NR3C1: variants seen among roughly 807,000 people sequenced by gnomAD.
The protein encoded by NR3C1 is nuclear receptor subfamily 3 group C member 1, also known as glucocorticoid receptor.
In NR3C1, 14 loss-of-function variants were observed where a neutral mutation model predicts 74.0. The observed-to-expected ratio is 0.19, with a 90% CI of 0.12 to 0.30. The LOEUF (loss-of-function observed/expected upper bound fraction) is 0.30. Among genes scored for constraint, NR3C1 ranks in the 10% least tolerant of loss-of-function variants. The pLI, the probability that NR3C1 is intolerant of heterozygous loss-of-function variation, is 1.00. For synonymous variants in NR3C1, 308 were observed against 332.5 expected, an observed-to-expected ratio of 0.93 and a Z score of 0.80; for missense variants, 695 against 909.8, an observed-to-expected ratio of 0.76 and a Z score of 3.04.
intron 2 of NR3C1, among the ~76,000 whole-genome samples, chr5:143,379,436 G>C (rs985582194): frequency 3.3e-5 from 5 of 152,114 alleles, no homozygotes; most frequent in Non-Finnish European, 2.9e-5. Context: ...CAATGATTCT[G>C]CCTTTCCACC....
rs945625193 is a variant in NR3C1 at position 143,434,990 on chromosome 5, C to T, written c.-472G>A. ...TTTTTTGGAGAGAAATACAGTGACTCTCCTAATTATGGTGAATTTCCTAGT... is the reference window on the plus strand; with the variant it reads ...TTTTTTGGAGAGAAATACAGTGACTTTCCTAATTATGGTGAATTTCCTAGT... On this transcript the variant is annotated 5_prime_UTR_variant, in exon 1 of 9. Transcript: ENST00000343796. The T allele has an allele frequency of 5.1e-6, 5 of 984,814 alleles. No homozygotes were observed. The African/African-American group carries it at 8.8e-5, about 17-fold the overall frequency. 61.0% of individuals were successfully genotyped at this position (984,814 alleles called of 1,614,324 possible).
At chr5:143,415,584 T>G (rs1465410902) in intron 1 of NR3C1, among the ~76,000 whole-genome samples, 1 of 152,238 alleles carries the variant, frequency 6.6e-6, no homozygotes, top group African/African-American at 2.4e-5. Flanking sequence ...TCATCAAATG[T>G]TATTGGACAT....
intron 2 of NR3C1, among the ~76,000 whole-genome samples, chr5:143,339,818 T>C (rs958584225): frequency 1.3e-5 from 2 of 152,136 alleles, no homozygotes; most frequent in Non-Finnish European, 2.9e-5. Flanking sequence ...ACATACCAAA[T>C]TATTAATGGC....
At position 143,400,352 on chromosome 5, in the gene NR3C1, A is replaced by T. The variant is rs1273668179; in HGVS notation, c.488T>A (p.Val163Glu). The change falls in exon 2 of 9, where the codon GTA (valine) becomes GAA (glutamate). Residue 163 changes from valine (V) to glutamate (E), a missense_variant. Val to Glu is a moderately radical substitution (Grantham distance 121). Around this residue, in one of 4 missense-constraint regions of NR3C1, gnomAD observed 497 missense variants for 489.5 expected, o/e 1.02. Transcript: ENST00000394464. The stretch of plus-strand genomic sequence containing the variant: ...CTTCAAATGTTGCTGTTCTGAAGAT[A>T]CATCAGAGTGAGTTTTTGGAAACTC... ...EKEFPKTHSD[V>E]SSEQQHLKGQ... 6.2e-7 allele frequency: 1 copy of T among 1,614,002 alleles called. No homozygotes were observed. The highest frequency in any genetic ancestry group is 8.5e-7 in the Non-Finnish European group (1 of 1,180,018).
intron 2 of NR3C1, among the ~76,000 whole-genome samples, chr5:143,352,056 CA>C (rs1401764252): frequency 6.6e-6 from 1 of 152,142 alleles, no homozygotes; most frequent in African/African-American, 2.4e-5. Context: ...TTAATCCCTT[CA>C]CAACATTCCT....
chr5:143,375,125 T>C (rs17399352), intron 2 of NR3C1, among the ~76,000 whole-genome samples: 24,339 of 152,196 alleles, frequency 0.16, 2,371 homozygotes, highest in Middle Eastern at 0.26. Flanking sequence ...TGAGAAAGTC[T>C]AGTCATGCCA....
chr5:143,325,073 A>G (rs1168449914), intron 2 of NR3C1, among the ~76,000 whole-genome samples: 1 of 152,100 alleles, frequency 6.6e-6, no homozygotes, highest in Non-Finnish European at 1.5e-5. Context: ...CCAAAGTTCC[A>G]AAGTCGCTTC....
At chr5:143,288,885 C>T (rs528994462) in intron 7 of NR3C1, among the ~76,000 whole-genome samples, 209 of 151,986 alleles carry the variant, frequency 1.4e-3, no homozygotes, top group Admixed American at 3.7e-3. Context: ...GTGGGTGGAT[C>T]ACCTGAGGTC....
chr5:143,292,535 T>C (rs894465074), intron 7 of NR3C1, among the ~76,000 whole-genome samples: 3 of 152,208 alleles, frequency 2.0e-5, no homozygotes, highest in Admixed American at 2.0e-4. Flanking sequence ...TTCCAAATTT[T>C]ACCTTCCCTC....
intron 2 of NR3C1, among the ~76,000 whole-genome samples, chr5:143,337,087 A>G (rs1335706939): frequency 6.6e-6 from 1 of 152,224 alleles, no homozygotes; most frequent in Non-Finnish European, 1.5e-5. Context: ...AAAATGATAA[A>G]GAATTAGGCT....
Position 143,279,376 on chromosome 5 carries a change from G to C in NR3C1, c.*2513C>G. On this transcript the variant is annotated 3_prime_UTR_variant, in exon 9 of 9. Coordinates refer to ENST00000394464, the MANE Select transcript of NR3C1 (RefSeq NM_000176.3). ...GTTGGGATGAAAATCAGATTAATGT[G>C]TGAGATGTGCTTTCTGGTTTTAACC... 3 of 1,551,338 alleles carry C rather than the reference G, an allele frequency of 1.9e-6. No individual in the cohort carries two copies. Among genetic ancestry groups the C allele is most frequent in the Non-Finnish European group, 2.6e-6 (3 of 1,148,360 alleles).
intron 7 of NR3C1, among the ~76,000 whole-genome samples, chr5:143,287,432 T>G (rs1814754817): frequency 6.6e-6 from 1 of 152,110 alleles, no homozygotes; most frequent in Admixed American, 6.6e-5. Context: ...AAATGGCTCA[T>G]TTCATAGAAA....
At chr5:143,387,612 T>TA (rs938779888) in intron 2 of NR3C1, among the ~76,000 whole-genome samples, 3 of 152,166 alleles carry the variant, frequency 2.0e-5, no homozygotes, top group African/African-American at 7.2e-5. Context: ...AGTTCATTCT[T>TA]AAATGACCTC....
chr5:143,370,490 G>GT (rs1489426456), intron 2 of NR3C1, among the ~76,000 whole-genome samples: 2 of 152,186 alleles, frequency 1.3e-5, no homozygotes, highest in African/African-American at 4.8e-5. Context: ...TTTTGCAAAT[G>GT]TATCTTCTAC....
chr5:143,281,599 T>G lies in NR3C1; in HGVS notation c.*290A>C, dbSNP rs72542758. The G allele has an allele frequency of 1.3e-3, 436 of 348,162 alleles. 5 individuals carry two copies. The East Asian group carries it at 0.022, about 17-fold the overall frequency. The allele number at this position is 348,162 out of a possible 1,614,324, so 21.6% of individuals were successfully genotyped here. A position where few individuals can be genotyped will look rare whatever the true frequency, so the allele number is the denominator to read the frequency against. ...ACTGGTGGTTTAGGTGCCATCCTTCTTTGACTGTGGAGATTACGTCCACAT... is the reference window on the plus strand; with the variant it reads ...ACTGGTGGTTTAGGTGCCATCCTTCGTTGACTGTGGAGATTACGTCCACAT... On this transcript the variant is annotated 3_prime_UTR_variant, in exon 9 of 9. Coordinates refer to ENST00000394464, the MANE Select transcript of NR3C1 (RefSeq NM_000176.3).
At chr5:143,312,905 A>T (rs960663700) in intron 3 of NR3C1, among the ~76,000 whole-genome samples, 1 of 152,068 alleles carries the variant, frequency 6.6e-6, no homozygotes, top group Non-Finnish European at 1.5e-5. Flanking sequence ...TTTACTTTTG[A>T]CTCTAATCAA....
At chr5:143,316,707 T>C (rs1378575773) in intron 2 of NR3C1, among the ~76,000 whole-genome samples, 1 of 152,176 alleles carries the variant, frequency 6.6e-6, no homozygotes, top group East Asian at 1.9e-4. Flanking sequence ...CCTGTGTGTG[T>C]GTTGTGAAAA....
chr5:143,279,153 T>C lies in NR3C1; in HGVS notation c.*2736A>G, dbSNP rs572200856. ...TCTGCTTTCAAACAGCACCACCATA[T>C]AGCACTTAAATCCACAATTAAACAT... is the stretch of plus-strand genomic sequence containing the variant. On this transcript the variant is annotated 3_prime_UTR_variant, in exon 9 of 9. Coordinates refer to ENST00000394464, the MANE Select transcript of NR3C1 (RefSeq NM_000176.3). 2.8e-5 allele frequency: 16 copies of C among 572,518 alleles called. No individual in the cohort carries two copies. The African/African-American group carries it at 3.2e-4, about 11-fold the overall frequency. The allele number at this position is 572,518 out of a possible 1,614,324, so 35.5% of individuals were successfully genotyped here.
chr5:143,408,177 T>G (rs1030891341), upstream of NR3C1, among the ~76,000 whole-genome samples: 1 of 152,188 alleles, frequency 6.6e-6, no homozygotes, highest in Non-Finnish European at 1.5e-5. Flanking sequence ...ATACCTGTAA[T>G]GCATTGATAT....
Sources: allele counts gnomAD v4.1 joint callset (sites outside exome capture counted in the v4.1 genomes callset), GRCh38; gene constraint gnomAD v4.1.1; regional missense constraint gnomAD v4.1.1; transcripts MANE v1.5; gene names NCBI Gene and HGNC (gene_info 2026-07-23, HGNC 2026-07-21).